Variants in HIP1R observed in about 807,000 individuals in gnomAD.
HIP1R encodes huntingtin interacting protein 1 related, also known as huntingtin-interacting protein 1-related protein.
In HIP1R, 135 loss-of-function variants were observed where a neutral mutation model predicts 144.2. The observed-to-expected ratio is 0.94, with a 90% confidence interval of 0.81 to 1.08. The LOEUF is 1.08. Among genes scored for constraint, HIP1R ranks in the 50% least tolerant of loss-of-function variants. The probability of loss-of-function intolerance (pLI) is 0.00; values close to 1 mark genes in which losing one functional copy is unlikely to be tolerated. For missense variants in HIP1R, 1,462 were observed against 1,432.8 expected (o/e 1.02, Z -0.33); for synonymous variants, 698 against 612.8 (o/e 1.14, Z -2.05).
intron 18 of HIP1R, chr12:122,857,715 CCA>C (rs2033632847): frequency 7.5e-6 from 2 of 265,982 alleles, no homozygotes; most frequent in Non-Finnish European, 1.4e-5. Flanking sequence ...CATGAATGTT[CCA>C]GTTTCTCCAC....
Position 122,836,911 on chromosome 12 carries a change from G to T in HIP1R, c.93+1268G>T, listed in dbSNP as rs2032913080. 6.6e-6 allele frequency among the ~76,000 whole-genome samples: 1 copy of T among 152,188 alleles called. No individual in the cohort carries two copies. Among genetic ancestry groups the T allele is most frequent in the South Asian group, 2.1e-4 (1 of 4,836 alleles). On this transcript the variant is annotated intron_variant, in intron 1 of 31. Transcript: ENST00000253083. The surrounding 1 kb of genome is among the most constrained non-coding windows in gnomAD (Gnocchi z 4.1). ...GAGGATATCAAGGCTTTAGAAATGC[G>T]AAGTGCTGGAACCCAGGTGGCTGCA...
At chr12:122,854,468 C>T (rs1048275363) in intron 8 of HIP1R, among the ~76,000 whole-genome samples, 8 of 152,142 alleles carry the variant, frequency 5.3e-5, no homozygotes, top group South Asian at 4.1e-4. Flanking sequence ...AGGAATCTCC[C>T]GCCAGGCACC....
chr12:122,850,778 C>T (rs77455920), intron 5 of HIP1R, 57 bp from the exon 6 acceptor site: 94,603 of 1,358,670 alleles, frequency 0.07, 4,783 homozygotes, highest in East Asian at 0.21. Context: ...GTTCGGTGGC[C>T]GCCAGGTGTG....
At position 122,840,755 on chromosome 12, in the gene HIP1R, A is replaced by G. The variant is rs2033034045; in HGVS notation, c.93+5112A>G. 6.6e-6 allele frequency among the ~76,000 whole-genome samples: 1 copy of G among 152,194 alleles called. No homozygotes were observed. The highest frequency in any genetic ancestry group is 6.5e-5 in the Admixed American group (1 of 15,288). On this transcript the variant is annotated intron_variant, in intron 1 of 31. Transcript: ENST00000253083. This position sits in a 1 kb window ranked among gnomAD's most constrained non-coding sequence, Gnocchi z 4.2. The stretch of plus-strand genomic sequence containing the variant: ...TGGGGGGACTCAGGCAGGTGGGGAC[A>G]GCCCTTCCCTGGAAGAGTGAGCCCA...
rs368563072 is a variant in HIP1R, at chr12:122,860,485, G to A, written c.2622G>A (p.Ser874=). 18 of 1,613,134 alleles carry A rather than the reference G, an allele frequency of 1.1e-5. No individual in the cohort carries two copies. The highest frequency in any genetic ancestry group is 1.4e-5 in the Non-Finnish European group (16 of 1,180,004). ...KNSRWTEGLI[S]ASKAVGWGAT... ...CGCGCTGGACCGAAGGCCTCATCTC[G>A]GCCTCCAAGGCTGTGGGCTGGGGAG... Residue 874 remains serine (S), a synonymous_variant, in exon 27 of 32, where the codon TCG becomes TCA. Transcript: ENST00000253083.
chr12:122,857,253 A>G lies in HIP1R; in HGVS notation c.1815+38A>G, dbSNP rs1183931727. 6 of 1,527,174 alleles carry G rather than the reference A, an allele frequency of 3.9e-6. No homozygotes were observed. The South Asian group carries it at 6.0e-5, about 15-fold the overall frequency. 94.6% of individuals were successfully genotyped at this position (1,527,174 alleles called of 1,614,324 possible). A position where few individuals can be genotyped will look rare whatever the true frequency, so the allele number is the denominator to read the frequency against. ...CAGATGCAGCAGCACCACTGAGTTC[A>G]CTGCCGTCTGGCAACCATCGATCTG... On this transcript the variant is annotated intron_variant, in intron 18 of 31. Coordinates refer to ENST00000253083, the MANE Select transcript of HIP1R (RefSeq NM_003959.3).
chr12:122,856,224 C>T (rs2033571015), intron 14 of HIP1R, 32 bp from the exon 15 acceptor site: 9 of 1,612,492 alleles, frequency 5.6e-6, no homozygotes, highest in African/African-American at 1.3e-5. Context: ...CCACCCCACA[C>T]GGGGCATCAC....
rs371051518 is a variant in HIP1R, at chr12:122,860,118, C to T, written c.2497-30C>T. On this transcript the variant is annotated intron_variant, in intron 25 of 31. Coordinates refer to ENST00000253083, the MANE Select transcript of HIP1R (RefSeq NM_003959.3). ...CCGGGGGGGTCTGCACCTGGAGGGC[C>T]ACCAGTCATTGCTGTCTTGGTCTCG... 31 of 1,586,750 alleles carry T rather than the reference C, an allele frequency of 2.0e-5. 1 individual carries two copies. Among genetic ancestry groups the T allele is most frequent in the Non-Finnish European group, 2.7e-5 (31 of 1,167,456 alleles).
intron 17 of HIP1R, 117 bp from the exon 18 acceptor site, chr12:122,856,904 C>A: frequency 8.9e-7 from 1 of 1,127,842 alleles, no homozygotes; most frequent in Non-Finnish European, 1.3e-6. Flanking sequence ...CCTCAGGGAG[C>A]CCTGAGTCTA....
chr12:122,849,917 A>C lies in HIP1R; in HGVS notation c.400A>C (p.Thr134Pro), dbSNP rs2033324068. The change falls in exon 5 of 32, where the codon ACC (threonine) becomes CCC (proline). Residue 134 changes from threonine to proline, a missense_variant. Thr to Pro is a conservative substitution (Grantham distance 38). This residue lies in a region of HIP1R where 350 missense variants were observed against 421.1 expected (regional missense o/e 0.83). Transcript: ENST00000253083. ...CTACGGACAGCTGGTGAATGTCTAC[A>C]CCAAGCTGCTGCTGACCAAGATCTC... Reference protein sequence around the residue: ...DRYGQLVNVYTKLLLTKISFH... With the variant: ...DRYGQLVNVYPKLLLTKISFH... 1 of 1,613,536 alleles carries C rather than the reference A, an allele frequency of 6.2e-7. No homozygotes were observed. Among genetic ancestry groups the C allele is most frequent in the Admixed American group, 1.7e-5 (1 of 60,002 alleles).
chr12:122,861,757 C>G lies in HIP1R; in HGVS notation c.*4C>G, dbSNP rs1226923712. On this transcript the variant is annotated 3_prime_UTR_variant, in exon 32 of 32. Transcript: ENST00000253083. ...AGCTCAACTCGTGAACTACTAGGCC[C>G]CCCAGGGGTCCAGCAGGGTGGCTGG... is the stretch of plus-strand genomic sequence containing the variant. 9 of 1,613,832 alleles carry G rather than the reference C, an allele frequency of 5.6e-6. No individual in the cohort carries two copies. Among genetic ancestry groups the G allele is most frequent in the Non-Finnish European group, 7.6e-6 (9 of 1,179,934 alleles).
intron 1 of HIP1R, among the ~76,000 whole-genome samples, chr12:122,846,824 A>G (rs2033223798): frequency 1.3e-5 from 2 of 152,194 alleles, no homozygotes; most frequent in Non-Finnish European, 1.5e-5. Context: ...CCCACCAGGT[A>G]GGGCCCCCCA....
Position 122,837,028 on chromosome 12 carries a change from A to C in HIP1R, c.93+1385A>C, listed in dbSNP as rs577323961. 8.5e-5 allele frequency among the ~76,000 whole-genome samples: 13 copies of C among 152,356 alleles called. No homozygotes were observed. The East Asian group carries it at 2.5e-3, about 29-fold the overall frequency. ...TAAAAAAATTTAAAGTCACCAATACATAATTAATTGTGCCAAGAACTTGTA... is the reference window on the plus strand; with the variant it reads ...TAAAAAAATTTAAAGTCACCAATACCTAATTAATTGTGCCAAGAACTTGTA... On this transcript the variant is annotated intron_variant, in intron 1 of 31. Transcript: ENST00000253083.
chr12:122,843,631 G>C (rs2033122577), intron 1 of HIP1R, among the ~76,000 whole-genome samples: 1 of 152,140 alleles, frequency 6.6e-6, no homozygotes, highest in South Asian at 2.1e-4. Flanking sequence ...CCCTCCTGCT[G>C]CCAGCACTGG....
In HIP1R at chr12:122,855,018, C is replaced by T. The variant is rs202162558; in HGVS notation, c.777-35C>T. ...CCGGTGGGGGAGAGGCTCCGTGGCC[C>T]CTTCCTGAACCCGAACTTCCCACCA... On this transcript the variant is annotated intron_variant, in intron 9 of 31. Coordinates refer to ENST00000253083, the MANE Select transcript of HIP1R (RefSeq NM_003959.3). 4 of 1,613,722 alleles carry T rather than the reference C, an allele frequency of 2.5e-6. No homozygotes were observed. The African/African-American group carries it at 5.3e-5, about 22-fold the overall frequency.
In HIP1R at chr12:122,856,183, CAG is replaced by C. The variant is rs1164030724; in HGVS notation, c.1312+21_1312+22del. The C allele has an allele frequency of 5.6e-6, 9 of 1,610,454 alleles. No homozygotes were observed. In the East Asian group the frequency reaches 6.7e-5, roughly 12 times the overall value. On this transcript the variant is annotated intron_variant, in intron 14 of 31. Transcript: ENST00000253083. ...CTGAGAGTACGTGGGGCCTTGGCCACAGGGGTCCAAGGGTGTGTCCCCAGCCC... is the reference window on the plus strand; with the variant it reads ...CTGAGAGTACGTGGGGCCTTGGCCACGGGTCCAAGGGTGTGTCCCCAGCCC...
chr12:122,836,260 T>C lies in HIP1R; in HGVS notation c.93+617T>C, dbSNP rs531132375. Among the ~76,000 whole-genome samples the C allele has an allele frequency of 6.6e-6, 1 of 152,330 alleles. No homozygotes were observed. The highest frequency in any genetic ancestry group is 2.1e-4 in the South Asian group (1 of 4,830). On this transcript the variant is annotated intron_variant, in intron 1 of 31. Transcript: ENST00000253083. This position sits in a 1 kb window ranked among gnomAD's most constrained non-coding sequence, Gnocchi z 4.1. Reference sequence around the variant, plus strand: ...TTTGCTGGGTGAAAAGCTTCTCGTATGTCGCCAGACTTGTTTGCCCGAGCG... The same window carrying C: ...TTTGCTGGGTGAAAAGCTTCTCGTACGTCGCCAGACTTGTTTGCCCGAGCG...
chr12:122,857,535 C>T (rs886678092), intron 18 of HIP1R: 17 of 485,042 alleles, frequency 3.5e-5, no homozygotes, highest in African/African-American at 2.7e-4. Flanking sequence ...CTGCTGTGGG[C>T]CTTTGAGCAC....
Position 122,862,058 on chromosome 12 carries a change from G to C in HIP1R, c.*305G>C, listed in dbSNP as rs187106460. Reference sequence around the variant, plus strand: ...TTTTAATATTCCTCTTCAGAAAATAGTGTTTTTAATATTCCGAGCTAGAGC... The same window carrying C: ...TTTTAATATTCCTCTTCAGAAAATACTGTTTTTAATATTCCGAGCTAGAGC... On this transcript the variant is annotated 3_prime_UTR_variant, in exon 32 of 32. Transcript: ENST00000253083. The C allele has an allele frequency of 7.8e-4, 313 of 400,358 alleles. 1 individual carries two copies. The highest frequency in any genetic ancestry group is 1.2e-3 in the Non-Finnish European group (262 of 225,166). 24.8% of individuals were successfully genotyped at this position (400,358 alleles called of 1,614,324 possible).
Sources: gnomAD v4.1 joint callset for allele counts (sites outside exome capture counted in the v4.1 genomes callset) on GRCh38, gnomAD v4.1.1 for gene constraint, gnomAD v4.1.1 regional missense constraint, Gnocchi (gnomAD v3.1) non-coding constraint, MANE v1.5 for transcripts, NCBI Gene and HGNC (gene_info 2026-07-23, HGNC 2026-07-21) for gene names.